Variants in DLG2 observed in about 807,000 individuals in gnomAD.
DLG2 encodes discs large MAGUK scaffold protein 2.
A neutral mutation model predicts 132.5 loss-of-function variants in DLG2; 45 were observed. That is an observed-to-expected ratio of 0.34 (90% confidence interval 0.27 to 0.44). The LOEUF (loss-of-function observed/expected upper bound fraction) is 0.44, where lower values mean the gene tolerates loss of function less well. Ranked by LOEUF, DLG2 falls within the 20% of genes least tolerant of loss-of-function variation. The pLI, the probability that DLG2 is intolerant of heterozygous loss-of-function variation, is 1.00. For synonymous variants in DLG2, 424 were observed against 419.6 expected (o/e 1.01, Z -0.13); for missense variants, 1,045 against 1,196.9 (o/e 0.87, Z 1.87).
chr11:85,525,728 T>C (rs1328936931), intron 3 of DLG2, among the ~76,000 whole-genome samples: 1 of 152,176 alleles, frequency 6.6e-6, no homozygotes, highest in African/African-American at 2.4e-5. Context: ...TTCTCACAGA[T>C]TACTGCCAGG....
chr11:83,963,028 G>A lies in DLG2; in HGVS notation c.1202-5C>T. On this transcript the variant is annotated splice_region_variant and splice_polypyrimidine_tract_variant and intron_variant, in intron 13 of 27. Transcript: ENST00000376104. The stretch of plus-strand genomic sequence containing the variant: ...TTTCCATTGGTGGAGAATAAGCTAA[G>A]AGGTGGGGGAAAAAGAGAAAAGAAA... 1 of 1,612,354 alleles carries A rather than the reference G, an allele frequency of 6.2e-7. No individual in the cohort carries two copies. Among genetic ancestry groups the A allele is most frequent in the African/African-American group, 1.3e-5 (1 of 74,948 alleles).
intron 16 of DLG2, among the ~76,000 whole-genome samples, chr11:83,835,004 T>C (rs1014447636): frequency 1.3e-5 from 2 of 152,194 alleles, no homozygotes; most frequent in African/African-American, 2.4e-5. Flanking sequence ...TGTTACTTGC[T>C]ATCACATTTC....
intron 3 of DLG2, among the ~76,000 whole-genome samples, chr11:85,532,877 T>C (rs1255571508): frequency 6.6e-6 from 1 of 152,198 alleles, no homozygotes; most frequent in Non-Finnish European, 1.5e-5. Context: ...ACCTGTTCCT[T>C]ATCTTATGTT....
At chr11:83,682,607 C>A (rs376766525) in intron 18 of DLG2, among the ~76,000 whole-genome samples, 2 of 152,050 alleles carry the variant, frequency 1.3e-5, no homozygotes, top group South Asian at 2.1e-4. Context: ...TGGAAAAAGC[C>A]CCTGCACCAA....
intron 7 of DLG2, among the ~76,000 whole-genome samples, chr11:84,423,781 A>G (rs2098958090): frequency 6.6e-6 from 1 of 152,164 alleles, no homozygotes; most frequent in Non-Finnish European, 1.5e-5. Context: ...TAGTGATTCA[A>G]TTACATAAAT....
At chr11:84,755,688 G>T (rs984384519) in intron 6 of DLG2, among the ~76,000 whole-genome samples, 2 of 152,226 alleles carry the variant, frequency 1.3e-5, no homozygotes, top group Non-Finnish European at 2.9e-5. Context: ...CTCCCGAAGT[G>T]CTGGGATTAC....
intron 18 of DLG2, among the ~76,000 whole-genome samples, chr11:83,781,656 T>C (rs1299273733): frequency 6.6e-6 from 1 of 152,174 alleles, no homozygotes; most frequent in Non-Finnish European, 1.5e-5. Flanking sequence ...TGGCAGTCTC[T>C]CCAACAATGT....
At chr11:84,931,416 T>C (rs1211039443) in intron 6 of DLG2, among the ~76,000 whole-genome samples, 3 of 152,186 alleles carry the variant, frequency 2.0e-5, no homozygotes, top group Admixed American at 2.0e-4. Flanking sequence ...GAGCATGCAG[T>C]ATTTGCTTTT....
intron 7 of DLG2, among the ~76,000 whole-genome samples, chr11:84,349,960 G>C (rs941831425): frequency 6.6e-6 from 1 of 151,968 alleles, no homozygotes; most frequent in Non-Finnish European, 1.5e-5. Context: ...GGCAGATCAC[G>C]AGGTCAGGAG....
At chr11:85,421,318 T>G (rs61184572) in intron 3 of DLG2, among the ~76,000 whole-genome samples, 3 of 151,898 alleles carry the variant, frequency 2.0e-5, no homozygotes, top group African/African-American at 7.3e-5. Context: ...GGTACCTCAG[T>G]TGGAAATGCA....
chr11:84,877,594 T>C (rs993824440), intron 6 of DLG2, among the ~76,000 whole-genome samples: 2 of 150,958 alleles, frequency 1.3e-5, no homozygotes, highest in African/African-American at 4.9e-5. Flanking sequence ...AGGTGTGTCT[T>C]TGCACATGAG....
chr11:85,466,468 T>C (rs1451303047), intron 3 of DLG2, among the ~76,000 whole-genome samples: 1 of 152,210 alleles, frequency 6.6e-6, no homozygotes, highest in Non-Finnish European at 1.5e-5. Context: ...CTTTAATCCA[T>C]CTTGAATGAA....
chr11:84,264,024 C>A (rs2097580505), intron 7 of DLG2, among the ~76,000 whole-genome samples: 1 of 152,088 alleles, frequency 6.6e-6, no homozygotes, highest in Non-Finnish European at 1.5e-5. Flanking sequence ...CTAAGAATCT[C>A]CCCTCAACCC....
intron 6 of DLG2, among the ~76,000 whole-genome samples, chr11:85,087,074 T>A (rs2068028843): frequency 6.6e-6 from 1 of 152,206 alleles, no homozygotes; most frequent in Non-Finnish European, 1.5e-5. Context: ...CATTTTTGGA[T>A]GAATTCATCA....
chr11:84,048,914 G>A (rs1168483946), intron 11 of DLG2, among the ~76,000 whole-genome samples: 2 of 151,690 alleles, frequency 1.3e-5, no homozygotes, highest in Non-Finnish European at 2.9e-5. Context: ...TTTTGGTGCA[G>A]ACAGTCTCGG....
At chr11:84,958,510 TA>T (rs2052030400) in intron 6 of DLG2, among the ~76,000 whole-genome samples, 1 of 152,168 alleles carries the variant, frequency 6.6e-6, no homozygotes, top group South Asian at 2.1e-4. Flanking sequence ...TTGGCTCCAG[TA>T]AAAGGCTAAG....
chr11:83,805,225 G>A (rs934394765), intron 17 of DLG2, among the ~76,000 whole-genome samples: 2 of 151,988 alleles, frequency 1.3e-5, no homozygotes, highest in African/African-American at 4.8e-5. Flanking sequence ...ACCCCTAATT[G>A]TTTTAGCATC....
chr11:84,950,723 G>A (rs944459112), intron 6 of DLG2, among the ~76,000 whole-genome samples: 4 of 150,152 alleles, frequency 2.7e-5, no homozygotes, highest in African/African-American at 5.0e-5. Context: ...ACACACGCAC[G>A]TGCATACACA....
At position 85,173,439 on chromosome 11, in the gene DLG2, C is replaced by G. The variant is rs77872723; in HGVS notation, c.187-18788G>C. On this transcript the variant is annotated intron_variant, in intron 4 of 27. Coordinates refer to ENST00000376104, the MANE Select transcript of DLG2 (RefSeq NM_001142699.3). Reference sequence around the variant, plus strand: ...AGCAAATGCTGATGTAATTTATCACCATCAGGCCTGCCTTGCAAGAGTTCC... The same window carrying G: ...AGCAAATGCTGATGTAATTTATCACGATCAGGCCTGCCTTGCAAGAGTTCC... Among the ~76,000 whole-genome samples, 1,436 of 152,198 alleles carry G rather than the reference C, an allele frequency of 9.4e-3. 20 individuals are homozygous for G. Among genetic ancestry groups the G allele is most frequent in the African/African-American group, 0.031 (1,296 of 41,524 alleles).
Sources: allele counts gnomAD v4.1 joint callset (sites outside exome capture counted in the v4.1 genomes callset), GRCh38; gene constraint gnomAD v4.1.1; transcripts MANE v1.5; gene names NCBI Gene and HGNC (gene_info 2026-07-23, HGNC 2026-07-21).